The following NKAIN4 variants were observed in gnomAD, a reference collection of about 807,000 sequenced individuals.
NKAIN4 encodes sodium/potassium-transporting ATPase subunit beta-1-interacting protein 4.
A neutral mutation model predicts 28.8 loss-of-function variants in NKAIN4; 28 were observed. The observed-to-expected ratio is 0.97, with a 90% CI of 0.72 to 1.33. The LOEUF (loss-of-function observed/expected upper bound fraction) is 1.33, where lower values mean the gene tolerates loss of function less well. NKAIN4 is among the 40% of genes most tolerant of loss of function. The pLI is 0.00. For missense variants in NKAIN4, 289 were observed against 277.2 expected (o/e 1.04, Z -0.30); for synonymous variants, 122 against 115.6 (o/e 1.06, Z -0.36).
At chr20:63,254,128 G>A (rs1274534060) in intron 1 of NKAIN4, 5 of 457,948 alleles carry the variant, frequency 1.1e-5, no homozygotes, top group South Asian at 9.1e-5. Flanking sequence ...CCATCCAGCC[G>A]CTGCCCCGCA....
intron 1 of NKAIN4, 122 bp from the exon 2 acceptor site, chr20:63,250,194 AC>A (rs2066932491): frequency 8.4e-7 from 1 of 1,184,332 alleles, no homozygotes; most frequent in African/African-American, 1.5e-5. Context: ...CGCCCACCAC[AC>A]CTTTGTTTGA....
Position 63,242,456 on chromosome 20 carries a change from G to A in NKAIN4, c.617+83C>T, listed in dbSNP as rs1231641261. ...GAACGGACAGGCAGGTGCCTGGTGAGGCCCCCAAGGAAGGCAGCCTCTCGC... is the reference window on the plus strand; with the variant it reads ...GAACGGACAGGCAGGTGCCTGGTGAAGCCCCCAAGGAAGGCAGCCTCTCGC... On this transcript the variant is annotated intron_variant, in intron 6 of 6. Coordinates refer to ENST00000370316, the MANE Select transcript of NKAIN4 (RefSeq NM_152864.4). 5 of 914,422 alleles carry A rather than the reference G, an allele frequency of 5.5e-6. No homozygotes were observed. In the Admixed American group the frequency reaches 8.6e-5, roughly 16 times the overall value. The allele number at this position is 914,422 out of a possible 1,614,324, so 56.6% of individuals were successfully genotyped here.
Position 63,249,870 on chromosome 20 carries a change from T to C in NKAIN4, c.192+65A>G, listed in dbSNP as rs566483561. On this transcript the variant is annotated intron_variant, in intron 2 of 6. Transcript: ENST00000370316. The stretch of plus-strand genomic sequence containing the variant: ...AGGAAAATATGCCAGGATGGTGCCA[T>C]GGGAGCCGCCATCCTGGTCACCTCA... The C allele has an allele frequency of 2.6e-6, 4 of 1,509,848 alleles. No homozygotes were observed. In the African/African-American group the frequency reaches 4.2e-5, roughly 16 times the overall value. The allele number at this position is 1,509,848 out of a possible 1,614,324, so 93.5% of individuals were successfully genotyped here.
In NKAIN4 at chr20:63,253,277, G is replaced by A. The variant is rs925012075; in HGVS notation, c.54+1120C>T. 2.6e-5 allele frequency: 26 copies of A among 985,216 alleles called. No homozygotes were observed. The African/African-American group carries it at 4.0e-4, about 15-fold the overall frequency. The allele number at this position is 985,216 out of a possible 1,614,324, so 61.0% of individuals were successfully genotyped here. A position where few individuals can be genotyped will look rare whatever the true frequency, so the allele number is the denominator to read the frequency against. On this transcript the variant is annotated intron_variant, in intron 1 of 6. Transcript: ENST00000370316. ...TCCTTGGGCCCCCAGCCTGTTGCAG[G>A]ACCTCAGGTTATCTCCGCGGCCCCA... is the stretch of plus-strand genomic sequence containing the variant.
At chr20:63,243,090 G>A (rs568621629) in intron 5 of NKAIN4, among the ~76,000 whole-genome samples, 23 of 152,336 alleles carry the variant, frequency 1.5e-4, no homozygotes, top group African/African-American at 5.3e-4. Flanking sequence ...AGGCAGCAGG[G>A]GCTTGCGGGG....
intron 1 of NKAIN4, chr20:63,254,111 G>A: frequency 2.3e-6 from 1 of 441,948 alleles, no homozygotes; most frequent in Non-Finnish European, 4.2e-6. Context: ...GCTTCCGTCC[G>A]GCCAGCCCAT....
intron 1 of NKAIN4, 38 bp downstream of exon 1, chr20:63,254,359 G>T: frequency 1.4e-6 from 2 of 1,406,706 alleles, no homozygotes; most frequent in Non-Finnish European, 1.9e-6. Flanking sequence ...GTCGGGCACC[G>T]GGGGCTCCAG....
chr20:63,254,693 G>A, upstream of NKAIN4: 2 of 336,218 alleles, frequency 5.9e-6, no homozygotes, highest in Non-Finnish European at 1.1e-5. Context: ...TCTTAAAGGG[G>A]CGATGGCGCG....
intron 3 of NKAIN4, 35 bp downstream of exon 3, chr20:63,248,780 G>C (rs1166981841): frequency 1.4e-6 from 2 of 1,444,936 alleles, no homozygotes; most frequent in Non-Finnish European, 1.9e-6. Context: ...AGACCCCAGG[G>C]AAGGACCTCG....
rs1208015921 is a variant in NKAIN4, at chr20:63,245,523, C to A, written c.472-1439G>T. On this transcript the variant is annotated intron_variant, in intron 4 of 6. Coordinates refer to ENST00000370316, the MANE Select transcript of NKAIN4 (RefSeq NM_152864.4). This position sits in a 1 kb window ranked among gnomAD's most constrained non-coding sequence, Gnocchi z 4.7. The stretch of plus-strand genomic sequence containing the variant: ...TGCACACCACCGCCTCCTGCCCATC[C>A]TCCTGGCTCCAGCCCCAGGTCCACC... Among the ~76,000 whole-genome samples the A allele has an allele frequency of 6.6e-6, 1 of 152,118 alleles. No homozygotes were observed. Among genetic ancestry groups the A allele is most frequent in the Non-Finnish European group, 1.5e-5 (1 of 68,022 alleles).
chr20:63,254,077 G>A (rs1348071791), intron 1 of NKAIN4: 1 of 360,886 alleles, frequency 2.8e-6, no homozygotes. Context: ...CCAGGCGATG[G>A]GGTCCAGGCG....
chr20:63,246,919 CGTGT>C (rs2066868890), intron 4 of NKAIN4: 3 of 985,680 alleles, frequency 3.0e-6, no homozygotes, highest in Non-Finnish European at 3.6e-6. Context: ...GGGAAGTGGC[CGTGT>C]GGCCATACCA....
rs1487283009 is a variant in NKAIN4, at chr20:63,252,464, A to C, written c.54+1933T>G. 2.9e-5 allele frequency among the ~76,000 whole-genome samples: 4 copies of C among 136,394 alleles called. No individual in the cohort carries two copies. Among genetic ancestry groups the C allele is most frequent in the Middle Eastern group, 4.3e-3 (1 of 232 alleles). 89.5% of individuals were successfully genotyped at this position (136,394 alleles called of 152,430 possible). On this transcript the variant is annotated intron_variant, in intron 1 of 6. Transcript: ENST00000370316. This position sits in a 1 kb window ranked among gnomAD's most constrained non-coding sequence, Gnocchi z 4.6. The stretch of plus-strand genomic sequence containing the variant: ...TAACACAAAATTCTCACACTTGTCA[A>C]AAAAAAAAAGGGGCTATCCAACAAC...
intron 4 of NKAIN4, 102 bp from the exon 5 acceptor site, chr20:63,244,186 A>C: frequency 1.0e-6 from 1 of 971,616 alleles, no homozygotes; most frequent in South Asian, 1.4e-5. Context: ...CTGACCACCA[A>C]GGCCCTGCCT....
In NKAIN4 at chr20:63,247,791, A is replaced by G. The variant is rs2066888323; in HGVS notation, c.274-16T>C. The G allele has an allele frequency of 7.0e-7, 1 of 1,438,142 alleles. No homozygotes were observed. Among genetic ancestry groups the G allele is most frequent in the African/African-American group, 1.4e-5 (1 of 69,946 alleles). The allele number at this position is 1,438,142 out of a possible 1,614,324, so 89.1% of individuals were successfully genotyped here. A position where few individuals can be genotyped will look rare whatever the true frequency, so the allele number is the denominator to read the frequency against. ...GCTCGCTGTCCTAGGGGAGAGGTGC[A>G]GGAGCAGGGCCGGTTAGCACCAGGA... is the stretch of plus-strand genomic sequence containing the variant. On this transcript the variant is annotated splice_polypyrimidine_tract_variant and intron_variant, in intron 3 of 6. Coordinates refer to ENST00000370316, the MANE Select transcript of NKAIN4 (RefSeq NM_152864.4).
intron 1 of NKAIN4, 51 bp downstream of exon 1, chr20:63,254,346 T>C (rs2067014649): frequency 2.2e-6 from 3 of 1,373,484 alleles, no homozygotes; most frequent in Admixed American, 3.0e-5. Flanking sequence ...ACAGCCGCCG[T>C]GGGTCGGGCA....
At chr20:63,249,359 C>G (rs541437826) in intron 2 of NKAIN4, 1 of 211,218 alleles carries the variant, frequency 4.7e-6, no homozygotes, top group African/African-American at 2.3e-5. Flanking sequence ...CACAGCCCAG[C>G]TGCTTTTGCG....
Position 63,247,848 on chromosome 20 carries a change from G to T in NKAIN4, c.274-73C>A, listed in dbSNP as rs542669482. The T allele has an allele frequency of 5.4e-5, 76 of 1,405,914 alleles. No individual in the cohort carries two copies. The South Asian group carries it at 1.3e-3, about 24-fold the overall frequency. The allele number at this position is 1,405,914 out of a possible 1,614,324, so 87.1% of individuals were successfully genotyped here. A position where few individuals can be genotyped will look rare whatever the true frequency, so the allele number is the denominator to read the frequency against. On this transcript the variant is annotated intron_variant, in intron 3 of 6. Coordinates refer to ENST00000370316, the MANE Select transcript of NKAIN4 (RefSeq NM_152864.4). The stretch of plus-strand genomic sequence containing the variant: ...CGGCCTCACCCACTGCAGCCTGCGG[G>T]GACGCCACCACACCGAGGCAAGGGG...
intron 4 of NKAIN4, chr20:63,246,770 A>G: frequency 2.0e-6 from 2 of 985,160 alleles, no homozygotes; most frequent in Non-Finnish European, 2.4e-6. Flanking sequence ...TGAAACGCTG[A>G]CCGAGCACCC....
Sources: allele counts gnomAD v4.1 joint callset (sites outside exome capture counted in the v4.1 genomes callset), GRCh38; gene constraint gnomAD v4.1.1; non-coding constraint Gnocchi (gnomAD v3.1); transcripts MANE v1.5; gene names NCBI Gene and HGNC (gene_info 2026-07-23, HGNC 2026-07-21).